Variants in NEU1 observed in about 807,000 individuals in gnomAD.
NEU1 encodes the protein sialidase-1.
In NEU1, 32 loss-of-function variants were observed where a neutral mutation model predicts 38.3. The ratio of observed to expected loss-of-function variants is 0.84; its 90% confidence interval spans 0.63 to 1.12. NEU1 has a LOEUF of 1.12. Among genes scored for constraint, NEU1 ranks in the 50% most tolerant of loss-of-function variants. The pLI, the probability that NEU1 is intolerant of heterozygous loss-of-function variation, is 0.00. For synonymous variants in NEU1, 192 were observed against 225.2 expected, an observed-to-expected ratio of 0.85 and a Z score of 1.32; for missense variants, 431 against 549.2, an observed-to-expected ratio of 0.78 and a Z score of 2.15.
In NEU1 at chr6:31,862,495, G is replaced by A; in HGVS notation, c.159+123C>T. 1 of 1,382,628 alleles carries A rather than the reference G, an allele frequency of 7.2e-7. No homozygotes were observed. The highest frequency in any genetic ancestry group is 1.0e-6 in the Non-Finnish European group (1 of 983,740). 85.6% of individuals were successfully genotyped at this position (1,382,628 alleles called of 1,614,324 possible). ...GGGCTGGGAGCGGTAGGAGGAAACGGGGTCTGGGAGAAAGAAAAGGGTCCT... is the reference window on the plus strand; with the variant it reads ...GGGCTGGGAGCGGTAGGAGGAAACGAGGTCTGGGAGAAAGAAAAGGGTCCT... On this transcript the variant is annotated intron_variant, in intron 1 of 5. Coordinates refer to ENST00000375631, the MANE Select transcript of NEU1 (RefSeq NM_000434.4). This position sits in a 1 kb window ranked among gnomAD's most constrained non-coding sequence, Gnocchi z 6.3.
chr6:31,861,428 C>G lies in NEU1; in HGVS notation c.375G>C (p.Ala125=), dbSNP rs1192641670. Residue 125 remains alanine (A), a synonymous_variant, in exon 3 of 6, where the codon GCG becomes GCC. Coordinates refer to ENST00000375631, the MANE Select transcript of NEU1 (RefSeq NM_000434.4). The part of the protein sequence containing the change: ...MDQGSTWSPT[A]FIVNDGDVPD... ...GGACATCCCCATCATTGACAATGAA[C>G]GCTGTAGGAGACCATGTGCTGCCTG... is the stretch of plus-strand genomic sequence containing the variant. 2 of 1,612,800 alleles carry G rather than the reference C, an allele frequency of 1.2e-6. No homozygotes were observed. Among genetic ancestry groups the G allele is most frequent in the Non-Finnish European group, 1.7e-6 (2 of 1,180,040 alleles).
chr6:31,859,698 C>A lies in NEU1; in HGVS notation c.*21G>T. On this transcript the variant is annotated 3_prime_UTR_variant, in exon 6 of 6. Coordinates refer to ENST00000375631, the MANE Select transcript of NEU1 (RefSeq NM_000434.4). ...AAGGCAGAGTCCTGAAGGCAGAATA[C>A]CCCTGTGGCAGTGGCACAGCTCAGA... is the stretch of plus-strand genomic sequence containing the variant. 1.9e-6 allele frequency: 3 copies of A among 1,610,256 alleles called. No individual in the cohort carries two copies. The highest frequency in any genetic ancestry group is 2.5e-6 in the Non-Finnish European group (3 of 1,178,188).
chr6:31,861,019 C>T (rs1307550631), intron 3 of NEU1, 169 bp downstream of exon 3: 1 of 900,454 alleles, frequency 1.1e-6, no homozygotes, highest in Admixed American at 2.5e-5. Flanking sequence ...AGAGTTCCCT[C>T]TTCTCCTGAT....
In NEU1 at chr6:31,860,177, A is replaced by G; in HGVS notation, c.886T>C (p.Tyr296His). 6.2e-7 allele frequency: 1 copy of G among 1,613,028 alleles called. No homozygotes were observed. ...GGCCTTAGTGTATCACAGGCATCAT[A>G]GCTGCGGAGGACAATTCGGCAGTGG... is the stretch of plus-strand genomic sequence containing the variant. ...HCHCRIVLRS[Y>H]DACDTLRPRD... Residue 296 changes from tyrosine (Y) to histidine (H), a missense_variant, in exon 5 of 6, where the codon TAT becomes CAT. Tyr to His is a moderately conservative substitution (Grantham distance 83). Coordinates refer to ENST00000375631, the MANE Select transcript of NEU1 (RefSeq NM_000434.4). This position sits in a 1 kb window ranked among gnomAD's most constrained non-coding sequence, Gnocchi z 4.8.
rs1762478945 is a variant in NEU1 at position 31,860,729 on chromosome 6, G to A, written c.616-108C>T. The A allele has an allele frequency of 9.6e-6, 12 of 1,249,168 alleles. No homozygotes were observed. The highest frequency in any genetic ancestry group is 1.4e-5 in the Non-Finnish European group (12 of 859,018). 77.4% of individuals were successfully genotyped at this position (1,249,168 alleles called of 1,614,324 possible). ...GCAATCACATGTATGGTCCCCTTGA[G>A]TTCAGCCCTTGCTCACTGAGGGTTC... is the stretch of plus-strand genomic sequence containing the variant. On this transcript the variant is annotated intron_variant, in intron 3 of 5. Transcript: ENST00000375631. This position sits in a 1 kb window ranked among gnomAD's most constrained non-coding sequence, Gnocchi z 4.8.
Position 31,859,800 on chromosome 6 carries a change from G to T in NEU1, c.1167C>A (p.Leu389=). The T allele has an allele frequency of 6.2e-7, 1 of 1,613,072 alleles. No homozygotes were observed. Among genetic ancestry groups the T allele is most frequent in the Non-Finnish European group, 8.5e-7 (1 of 1,180,024 alleles). The part of the protein sequence containing the change: ...SMDGEEQAPQ[L]YVLYEKGRNH... ...TCCGGCCTTTCTCATACAGGACGTA[G>T]AGCTGGGGGGCCTGCTCCTCTCCAT... is the stretch of plus-strand genomic sequence containing the variant. The change falls in exon 6 of 6, where the codon CTC becomes CTA. Residue 389 remains leucine, a synonymous_variant. Transcript: ENST00000375631.
In NEU1 at chr6:31,862,488, G is replaced by C; in HGVS notation, c.159+130C>G. ...GGGAGAGGGGCTGGGAGCGGTAGGA[G>C]GAAACGGGGTCTGGGAGAAAGAAAA... On this transcript the variant is annotated intron_variant, in intron 1 of 5. Coordinates refer to ENST00000375631, the MANE Select transcript of NEU1 (RefSeq NM_000434.4). This position sits in a 1 kb window ranked among gnomAD's most constrained non-coding sequence, Gnocchi z 6.3. The C allele has an allele frequency of 7.5e-7, 1 of 1,329,570 alleles. No individual in the cohort carries two copies. Among genetic ancestry groups the C allele is most frequent in the Non-Finnish European group, 1.1e-6 (1 of 941,284 alleles). 82.4% of individuals were successfully genotyped at this position (1,329,570 alleles called of 1,614,324 possible).
Position 31,860,287 on chromosome 6 carries a change from CAG to C in NEU1, c.799-25_799-24del. 1 of 1,612,658 alleles carries C rather than the reference CAG, an allele frequency of 6.2e-7. No individual in the cohort carries two copies. The highest frequency in any genetic ancestry group is 2.2e-5 in the East Asian group (1 of 44,860). ...GGGCTGAGGGGAGAGGACAGGACCTCAGGGAGGGAACAGGGAAAATGCCCTGT... is the reference window on the plus strand; with the variant it reads ...GGGCTGAGGGGAGAGGACAGGACCTCGGAGGGAACAGGGAAAATGCCCTGT... On this transcript the variant is annotated intron_variant, in intron 4 of 5. Coordinates refer to ENST00000375631, the MANE Select transcript of NEU1 (RefSeq NM_000434.4). This position sits in a 1 kb window ranked among gnomAD's most constrained non-coding sequence, Gnocchi z 4.8.
chr6:31,862,656 C>A lies in NEU1; in HGVS notation c.121G>T (p.Ala41Ser). 2.5e-6 allele frequency: 4 copies of A among 1,613,068 alleles called. No individual in the cohort carries two copies. The highest frequency in any genetic ancestry group is 3.4e-6 in the Non-Finnish European group (4 of 1,180,024). ...FAAIFLLLSL[A>S]ASWSKAENDF... ...TTCTCAGCCTTGGACCAGGAGGCTGCCAGAGACAGCAGCAGGAAGATCGCG... is the reference window on the plus strand; with the variant it reads ...TTCTCAGCCTTGGACCAGGAGGCTGACAGAGACAGCAGCAGGAAGATCGCG... Residue 41 changes from alanine to serine, a missense_variant, in exon 1 of 6, where the codon GCA (alanine) becomes TCA (serine). Transcript: ENST00000375631. The surrounding 1 kb of genome is among the most constrained non-coding windows in gnomAD (Gnocchi z 6.3).
chr6:31,862,642 G>C lies in NEU1; in HGVS notation c.135C>G (p.Ser45=). The C allele has an allele frequency of 6.2e-7, 1 of 1,613,082 alleles. No homozygotes were observed. Among genetic ancestry groups the C allele is most frequent in the Non-Finnish European group, 8.5e-7 (1 of 1,180,030 alleles). Residue 45 remains serine (S), a synonymous_variant, in exon 1 of 6, where the codon TCC becomes TCG. Coordinates refer to ENST00000375631, the MANE Select transcript of NEU1 (RefSeq NM_000434.4). The surrounding 1 kb of genome is among the most constrained non-coding windows in gnomAD (Gnocchi z 6.3). ...FLLLSLAASW[S]KAENDFGLVQ... is the part of the protein sequence containing the mutation. ...CCAGACCGAAGTCGTTCTCAGCCTT[G>C]GACCAGGAGGCTGCCAGAGACAGCA...
In NEU1 at chr6:31,860,496, G is replaced by A. The variant is rs1762466614; in HGVS notation, c.741C>T (p.Ser247=). 2 of 1,613,946 alleles carry A rather than the reference G, an allele frequency of 1.2e-6. No homozygotes were observed. The highest frequency in any genetic ancestry group is 1.3e-5 in the African/African-American group (1 of 74,876). The change falls in exon 4 of 6, where the codon AGC becomes AGT. Residue 247 remains serine, a synonymous_variant. Coordinates refer to ENST00000375631, the MANE Select transcript of NEU1 (RefSeq NM_000434.4). This position sits in a 1 kb window ranked among gnomAD's most constrained non-coding sequence, Gnocchi z 4.8. ...GCTTGGGCTGACCGTAGGGGATGCC[G>A]CTGACCCCACTTCCGTAGCGCCAGG... ...GASWRYGSGV[S]GIPYGQPKQE...
rs994764626 is a variant in NEU1, at chr6:31,859,349, A to G, written c.*370T>C. On this transcript the variant is annotated 3_prime_UTR_variant, in exon 6 of 6. Coordinates refer to ENST00000375631, the MANE Select transcript of NEU1 (RefSeq NM_000434.4). ...CAGCCCTGTCGGTTATCTTACCGCAACACCAAAGAGGAGGCTCAGCCTTCC... is the reference window on the plus strand; with the variant it reads ...CAGCCCTGTCGGTTATCTTACCGCAGCACCAAAGAGGAGGCTCAGCCTTCC... The G allele has an allele frequency of 2.4e-6, 1 of 416,590 alleles. No individual in the cohort carries two copies. Among genetic ancestry groups the G allele is most frequent in the Non-Finnish European group, 4.5e-6 (1 of 222,818 alleles). The allele number at this position is 416,590 out of a possible 1,614,324, so 25.8% of individuals were successfully genotyped here.
At chr6:31,861,035 GTTCC>G in intron 3 of NEU1, 149 bp downstream of exon 3, 3 of 1,033,454 alleles carry the variant, frequency 2.9e-6, no homozygotes, top group Non-Finnish European at 4.3e-6. Flanking sequence ...CTGATAATGT[GTTCC>G]TACCAGGATG....
chr6:31,860,209 T>C lies in NEU1; in HGVS notation c.854A>G (p.Tyr285Cys). 6.2e-7 allele frequency: 1 copy of C among 1,612,778 alleles called. No individual in the cohort carries two copies. Among genetic ancestry groups the C allele is most frequent in the Non-Finnish European group, 8.5e-7 (1 of 1,179,938 alleles). The change falls in exon 5 of 6, where the codon TAC (tyrosine) becomes TGC (cysteine). Residue 285 changes from tyrosine to cysteine, a missense_variant. Coordinates refer to ENST00000375631, the MANE Select transcript of NEU1 (RefSeq NM_000434.4). The surrounding 1 kb of genome is among the most constrained non-coding windows in gnomAD (Gnocchi z 4.8). ...VVINARNQNN[Y>C]HCHCRIVLRS... Reference sequence around the variant, plus strand: ...GAGGACAATTCGGCAGTGGCAGTGGTAGTTGTTCTGGTTTCGGGCATTGAT... The same window carrying C: ...GAGGACAATTCGGCAGTGGCAGTGGCAGTTGTTCTGGTTTCGGGCATTGAT...
Position 31,859,783 on chromosome 6 carries a change from T to C in NEU1, c.1184A>G (p.Lys395Arg). 6.2e-7 allele frequency: 1 copy of C among 1,613,042 alleles called. No individual in the cohort carries two copies. Among genetic ancestry groups the C allele is most frequent in the Admixed American group, 1.7e-5 (1 of 60,014 alleles). Residue 395 changes from lysine to arginine, a missense_variant, in exon 6 of 6, where the codon AAA (lysine) becomes AGA (arginine). Transcript: ENST00000375631. ...GCTCTCTGTGTAGTGGTTCCGGCCT[T>C]TCTCATACAGGACGTAGAGCTGGGG... ...QAPQLYVLYE[K>R]GRNHYTESIS...
rs756374848 is a variant in NEU1 at position 31,860,316 on chromosome 6, C to T, written c.799-52G>A. 19 of 1,607,034 alleles carry T rather than the reference C, an allele frequency of 1.2e-5. No individual in the cohort carries two copies. Among genetic ancestry groups the T allele is most frequent in the Middle Eastern group, 1.6e-4 (1 of 6,064 alleles). On this transcript the variant is annotated intron_variant, in intron 4 of 5. Transcript: ENST00000375631. The surrounding 1 kb of genome is among the most constrained non-coding windows in gnomAD (Gnocchi z 4.8). ...GAGGGAACAGGGAAAATGCCCTGTCCCCGAGGGGAGCAAGGGTGTGTGGCA... is the reference window on the plus strand; with the variant it reads ...GAGGGAACAGGGAAAATGCCCTGTCTCCGAGGGGAGCAAGGGTGTGTGGCA...
rs1762576815 is a variant in NEU1 at position 31,862,704 on chromosome 6, C to T, written c.73G>A (p.Gly25Ser). 3 of 1,613,048 alleles carry T rather than the reference C, an allele frequency of 1.9e-6. No homozygotes were observed. The highest frequency in any genetic ancestry group is 2.5e-6 in the Non-Finnish European group (3 of 1,180,026). Residue 25 changes from glycine (G) to serine (S), a missense_variant, in exon 1 of 6, where the codon GGC (glycine) becomes AGC (serine). Coordinates refer to ENST00000375631, the MANE Select transcript of NEU1 (RefSeq NM_000434.4). The surrounding 1 kb of genome is among the most constrained non-coding windows in gnomAD (Gnocchi z 6.3). The part of the protein sequence containing the change: ...WGPRILGFWG[G>S]CRVWVFAAIF... Reference sequence around the variant, plus strand: ...GCGGCAAACACCCAAACCCTACAGCCTCCCCAGAAGCCCAGAATCCGCGGC... The same window carrying T: ...GCGGCAAACACCCAAACCCTACAGCTTCCCCAGAAGCCCAGAATCCGCGGC...
At position 31,862,171 on chromosome 6, in the gene NEU1, C is replaced by A; in HGVS notation, c.180G>T (p.Met60Ile). The A allele has an allele frequency of 1.2e-6, 2 of 1,612,934 alleles. No homozygotes were observed. The highest frequency in any genetic ancestry group is 1.7e-6 in the Non-Finnish European group (2 of 1,179,972). Reference sequence around the variant, plus strand: ...TCCCGCTCACCCACAGCAGTTGCTCCATGGTCACCAGCGGCTGCACCTGTC... The same window carrying A: ...TCCCGCTCACCCACAGCAGTTGCTCAATGGTCACCAGCGGCTGCACCTGTC... The part of the protein sequence containing the change: ...DFGLVQPLVT[M>I]EQLLWVSGRQ... Residue 60 changes from methionine to isoleucine, a missense_variant, in exon 2 of 6, where the codon ATG (methionine) becomes ATT (isoleucine). Physicochemically the swap from Met to Ile is conservative, Grantham distance 10. Coordinates refer to ENST00000375631, the MANE Select transcript of NEU1 (RefSeq NM_000434.4). This position sits in a 1 kb window ranked among gnomAD's most constrained non-coding sequence, Gnocchi z 6.3.
Position 31,862,726 on chromosome 6 carries a change from C to A in NEU1, c.51G>T (p.Pro17=). 6.2e-7 allele frequency: 1 copy of A among 1,613,026 alleles called. No homozygotes were observed. The highest frequency in any genetic ancestry group is 8.5e-7 in the Non-Finnish European group (1 of 1,180,010). ...STALPDRRWG[P]RILGFWGGCR... ...AGCCTCCCCAGAAGCCCAGAATCCG[C>A]GGCCCCCAGCGTCTGTCCGGGAGCG... Residue 17 remains proline (P), a synonymous_variant, in exon 1 of 6, where the codon CCG becomes CCT. Coordinates refer to ENST00000375631, the MANE Select transcript of NEU1 (RefSeq NM_000434.4). The surrounding 1 kb of genome is among the most constrained non-coding windows in gnomAD (Gnocchi z 6.3).
Sources: gnomAD v4.1 joint callset for allele counts on GRCh38, gnomAD v4.1.1 for gene constraint, Gnocchi (gnomAD v3.1) non-coding constraint, MANE v1.5 for transcripts, NCBI Gene and HGNC (gene_info 2026-07-23, HGNC 2026-07-21) for gene names.